The following AGBL4 variants were observed in gnomAD, a reference collection of about 807,000 sequenced individuals.
The protein encoded by AGBL4 is cytosolic carboxypeptidase 6.
A neutral mutation model predicts 66.4 loss-of-function variants in AGBL4; 58 were observed. The ratio of observed to expected loss-of-function variants is 0.87; its 90% CI spans 0.71 to 1.09. The LOEUF (loss-of-function observed/expected upper bound fraction) is 1.09, where lower values mean the gene tolerates loss of function less well. Ranked by LOEUF, AGBL4 falls within the 50% of genes least tolerant of loss-of-function variation. The pLI is 0.00. For missense variants in AGBL4, 579 were observed against 631.0 expected (o/e 0.92, Z 0.88); for synonymous variants, 234 against 222.9 (o/e 1.05, Z -0.44).
intron 1 of AGBL4, among the ~76,000 whole-genome samples, chr1:49,885,305 C>T (rs1426234435): frequency 6.6e-6 from 1 of 151,766 alleles, no homozygotes; most frequent in Non-Finnish European, 1.5e-5. Context: ...AAATTCTCAG[C>T]CAAAAGGATA....
chr1:49,800,298 T>C (rs1644827525), intron 2 of AGBL4, among the ~76,000 whole-genome samples: 1 of 152,198 alleles, frequency 6.6e-6, no homozygotes, highest in Non-Finnish European at 1.5e-5. Flanking sequence ...CCTTGCTGCT[T>C]TGAGAAAGCA....
chr1:49,862,811 T>C (rs1646606459), intron 1 of AGBL4, among the ~76,000 whole-genome samples: 2 of 152,072 alleles, frequency 1.3e-5, no homozygotes, highest in Non-Finnish European at 2.9e-5. Flanking sequence ...CCTTCAAATA[T>C]GGAGGATAAA....
chr1:48,640,725 T>C (rs1341512932), intron 8 of AGBL4, among the ~76,000 whole-genome samples: 1 of 152,170 alleles, frequency 6.6e-6, no homozygotes, highest in Non-Finnish European at 1.5e-5. Context: ...TGTGAGTGTG[T>C]GTGATTTATA....
At chr1:49,329,258 G>A (rs574673858) in intron 3 of AGBL4, among the ~76,000 whole-genome samples, 4 of 152,254 alleles carry the variant, frequency 2.6e-5, no homozygotes, top group African/African-American at 9.6e-5. Flanking sequence ...AGTGAGCCAA[G>A]ATCGCACCAT....
intron 6 of AGBL4, chr1:48,759,111 C>T: frequency 6.2e-7 from 1 of 1,611,696 alleles, no homozygotes; most frequent in Non-Finnish European, 8.5e-7. Flanking sequence ...GAGCCCGGGG[C>T]ACCACAGCAT....
At chr1:49,744,744 T>C (rs1224676034) in intron 2 of AGBL4, among the ~76,000 whole-genome samples, 1 of 152,070 alleles carries the variant, frequency 6.6e-6, no homozygotes, top group Non-Finnish European at 1.5e-5. Flanking sequence ...TTTATGAGCA[T>C]ACAATGCATT....
intron 6 of AGBL4, among the ~76,000 whole-genome samples, chr1:48,841,395 A>C (rs1273209019): frequency 5.1e-5 from 4 of 78,520 alleles, no homozygotes; most frequent in Non-Finnish European, 9.6e-5. Context: ...ATCTCTTACT[A>C]CAAAACCCCC....
intron 1 of AGBL4, among the ~76,000 whole-genome samples, chr1:49,948,034 A>ATATC (rs1655504522): frequency 4.6e-5 from 1 of 21,976 alleles, no homozygotes; most frequent in East Asian, 7.3e-4. Context: ...ATAAATATAT[A>ATATC]TACATATAAA....
chr1:49,399,619 A>G (rs1395364275), intron 3 of AGBL4, among the ~76,000 whole-genome samples: 1 of 152,038 alleles, frequency 6.6e-6, no homozygotes, highest in Admixed American at 6.6e-5. Context: ...CTTTTCATAT[A>G]ACTTTTTTCC....
rs527261285 is a variant in AGBL4, at chr1:48,689,374, CACCTACCT to C, written c.635-26141_635-26134del. Among the ~76,000 whole-genome samples the C allele has an allele frequency of 1.2e-3, 187 of 150,288 alleles. 1 individual carries two copies. The highest frequency in any genetic ancestry group is 4.1e-3 in the African/African-American group (165 of 40,354). On this transcript the variant is annotated intron_variant, in intron 6 of 13. Transcript: ENST00000371839. ...AGGAGGCTGCATTATGGATGACGGTCACCTACCTACCTACCTACCTACCTACCTACCTT... is the reference window on the plus strand; with the variant it reads ...AGGAGGCTGCATTATGGATGACGGTCACCTACCTACCTACCTACCTACCTT...
intron 3 of AGBL4, among the ~76,000 whole-genome samples, chr1:49,304,704 T>A (rs2148450490): frequency 6.6e-6 from 1 of 152,338 alleles, no homozygotes; most frequent in Middle Eastern, 3.4e-3. Context: ...CAATATCATA[T>A]TATAAATAAA....
chr1:49,872,445 A>T (rs970778412), intron 1 of AGBL4, among the ~76,000 whole-genome samples: 1 of 152,126 alleles, frequency 6.6e-6, no homozygotes, highest in African/African-American at 2.4e-5. Flanking sequence ...GAAAAATAAA[A>T]GCCCCTTAGA....
At chr1:49,242,949 CCT>C (rs1454914442) in intron 4 of AGBL4, among the ~76,000 whole-genome samples, 1 of 151,318 alleles carries the variant, frequency 6.6e-6, no homozygotes, top group African/African-American at 2.4e-5. Context: ...GTTACAGCCC[CCT>C]ATGAGAGGTG....
At chr1:48,573,798 T>C (rs1644606439) in intron 11 of AGBL4, among the ~76,000 whole-genome samples, 1 of 152,190 alleles carries the variant, frequency 6.6e-6, no homozygotes, top group African/African-American at 2.4e-5. Context: ...GGTACTTGGC[T>C]AGTAATAATA....
At chr1:48,786,216 C>A (rs949054755) in intron 6 of AGBL4, among the ~76,000 whole-genome samples, 5 of 152,148 alleles carry the variant, frequency 3.3e-5, no homozygotes, top group African/African-American at 1.2e-4. Context: ...TTATTGATTT[C>A]CATGATAGGA....
At chr1:49,550,486 T>C (rs2148836909) in intron 3 of AGBL4, among the ~76,000 whole-genome samples, 1 of 152,340 alleles carries the variant, frequency 6.6e-6, no homozygotes, top group East Asian at 1.9e-4. Flanking sequence ...GTTCTTGTAG[T>C]GGTGGCTTGA....
chr1:48,903,428 T>C (rs1652283992), intron 5 of AGBL4, among the ~76,000 whole-genome samples: 1 of 152,258 alleles, frequency 6.6e-6, no homozygotes, highest in African/African-American at 2.4e-5. Context: ...TATTTGCTTG[T>C]AGACTTGGCC....
intron 4 of AGBL4, among the ~76,000 whole-genome samples, chr1:49,113,538 C>T (rs1342141157): frequency 2.0e-5 from 3 of 152,194 alleles, no homozygotes; most frequent in African/African-American, 7.2e-5. Flanking sequence ...CAGCCATGAG[C>T]CACTGCGCCC....
intron 1 of AGBL4, among the ~76,000 whole-genome samples, chr1:49,902,808 C>T (rs1248757649): frequency 6.6e-6 from 1 of 152,082 alleles, no homozygotes; most frequent in African/African-American, 2.4e-5. Context: ...GAGATACCAT[C>T]TCACACCAGT....
Sources: allele counts gnomAD v4.1 joint callset (sites outside exome capture counted in the v4.1 genomes callset), GRCh38; gene constraint gnomAD v4.1.1; transcripts MANE v1.5; gene names NCBI Gene and HGNC (gene_info 2026-07-23, HGNC 2026-07-21).